The following FAM20C variants were observed in gnomAD, a reference collection of about 807,000 sequenced individuals.
FAM20C encodes FAM20C golgi associated secretory pathway kinase.
In FAM20C, 40 loss-of-function variants were observed where a neutral mutation model predicts 51.5. That is an observed-to-expected ratio of 0.78 (90% confidence interval 0.60 to 1.01). FAM20C has a LOEUF of 1.01. Among genes scored for constraint, FAM20C ranks in the 50% least tolerant of loss-of-function variants. The pLI is 0.00. For synonymous variants in FAM20C, 406 were observed against 380.6 expected (o/e 1.07, Z -0.78); for missense variants, 861 against 844.7 (o/e 1.02, Z -0.24).
chr7:217,468 A>G (rs1034832880), intron 3 of FAM20C, among the ~76,000 whole-genome samples: 1 of 5,644 alleles, frequency 1.8e-4, no homozygotes, highest in Non-Finnish European at 5.1e-4. Flanking sequence ...ATGCACCTGG[A>G]CCTGGGGGAA....
At chr7:258,416 G>T (rs1382882663) in intron 8 of FAM20C, among the ~76,000 whole-genome samples, 1 of 118,640 alleles carries the variant, frequency 8.4e-6, no homozygotes, top group East Asian at 2.6e-4. Context: ...AGATGGGTGG[G>T]GTGGACCCAC....
At chr7:216,397 GAT>G in intron 3 of FAM20C, among the ~76,000 whole-genome samples, 1 of 79,856 alleles carries the variant, frequency 1.3e-5, no homozygotes, top group Non-Finnish European at 2.5e-5. Context: ...GTATGGAGAG[GAT>G]GGGGCTGGGT....
At chr7:258,731 C>T (rs952948110) in intron 9 of FAM20C, 26 bp downstream of exon 9, 3 of 1,529,152 alleles carry the variant, frequency 2.0e-6, no homozygotes, top group African/African-American at 1.4e-5. Flanking sequence ...GAGCCGGCTC[C>T]AGCTCCACCC....
intron 3 of FAM20C, among the ~76,000 whole-genome samples, chr7:230,020 C>T (rs1198995509): frequency 6.6e-6 from 1 of 152,122 alleles, no homozygotes; most frequent in Non-Finnish European, 1.5e-5. Flanking sequence ...GCTTCCGCTT[C>T]CGCGACCCTC....
In FAM20C at chr7:207,313, C is replaced by G. The variant is rs35853297; in HGVS notation, c.785-1585C>G. Among the ~76,000 whole-genome samples, 46 of 61,326 alleles carry G rather than the reference C, an allele frequency of 7.5e-4. 2 individuals carry two copies. The highest frequency in any genetic ancestry group is 2.8e-3 in the East Asian group (4 of 1,454). The allele number at this position is 61,326 out of a possible 152,430, so 40.2% of individuals were successfully genotyped here. ...GGCCCCGCACACGTGTCCACTGTGACGCGTCGGTCACTGTCCCCTCGGCCC... is the reference window on the plus strand; with the variant it reads ...GGCCCCGCACACGTGTCCACTGTGAGGCGTCGGTCACTGTCCCCTCGGCCC... On this transcript the variant is annotated intron_variant, in intron 2 of 9. Transcript: ENST00000313766.
intron 2 of FAM20C, among the ~76,000 whole-genome samples, chr7:205,630 G>A (rs891455580): frequency 6.6e-5 from 10 of 152,156 alleles, no homozygotes; most frequent in African/African-American, 2.2e-4. Flanking sequence ...CTGAGGTCGC[G>A]TCGGAGCCCG....
At chr7:245,326 A>G (rs1248648327) in intron 3 of FAM20C, among the ~76,000 whole-genome samples, 1 of 152,196 alleles carries the variant, frequency 6.6e-6, no homozygotes, top group Non-Finnish European at 1.5e-5. Flanking sequence ...TGGAAAGGTC[A>G]CCAGAGTTTG....
chr7:193,626 C>A lies in FAM20C; in HGVS notation c.427C>A (p.Pro143Thr). The A allele has an allele frequency of 1.3e-6, 2 of 1,539,328 alleles. No homozygotes were observed. Among genetic ancestry groups the A allele is most frequent in the South Asian group, 2.4e-5 (2 of 83,398 alleles). ...CGCGCACCGGCCGCTGCTGCGAGAC[C>A]CCGGCCCGCGTCGGTCCGAGTCGCC... ...DPAHRPLLRD[P>T]GPRRSESPPG... Residue 143 changes from proline to threonine, a missense_variant, in exon 1 of 10, where the codon CCC becomes ACC. Physicochemically the swap from Pro to Thr is conservative, Grantham distance 38. This residue lies in a region of FAM20C where 561 missense variants were observed against 499.8 expected (regional missense o/e 1.12). Transcript: ENST00000313766.
intron 5 of FAM20C, among the ~76,000 whole-genome samples, chr7:253,643 C>A: frequency 6.6e-6 from 1 of 152,214 alleles, no homozygotes. Flanking sequence ...GCCGGCGTTG[C>A]TGGGACCCCC....
chr7:253,467 C>A (rs773427393), intron 5 of FAM20C, among the ~76,000 whole-genome samples: 1 of 152,180 alleles, frequency 6.6e-6, no homozygotes, highest in Admixed American at 6.5e-5. Flanking sequence ...TGGGTTTGTC[C>A]GCTACCCTGG....
rs1788284724 is a variant in FAM20C, at chr7:248,821, A to G, written c.1072+391A>G. Among the ~76,000 whole-genome samples, 3 of 149,976 alleles carry G rather than the reference A, an allele frequency of 2.0e-5. No homozygotes were observed. In the South Asian group the frequency reaches 6.3e-4, roughly 32 times the overall value. On this transcript the variant is annotated intron_variant, in intron 5 of 9. Coordinates refer to ENST00000313766, the MANE Select transcript of FAM20C (RefSeq NM_020223.4). Reference sequence around the variant, plus strand: ...TAGCCTGGCACAGGGGCCCGCATTCATCTCTCCACGTAGCCTGGCACGGGG... The same window carrying G: ...TAGCCTGGCACAGGGGCCCGCATTCGTCTCTCCACGTAGCCTGGCACGGGG...
intron 3 of FAM20C, among the ~76,000 whole-genome samples, chr7:217,521 G>A (rs148993105): frequency 2.6e-3 from 115 of 43,880 alleles, no homozygotes; most frequent in Admixed American, 4.7e-3. Context: ...TGGTGGCCTC[G>A]GGCTTGGCTT....
chr7:230,383 G>GGGCA (rs1554253447), intron 3 of FAM20C, among the ~76,000 whole-genome samples: 2 of 21,264 alleles, frequency 9.4e-5, no homozygotes, highest in Non-Finnish European at 1.3e-4. Context: ...GGGGGGGGGG[G>GGGCA]GGAACAGATC....
intron 3 of FAM20C, 134 bp downstream of exon 3, chr7:209,110 C>A: frequency 5.9e-6 from 5 of 853,942 alleles, no homozygotes; most frequent in Non-Finnish European, 9.3e-6. Context: ...ACTCTCAACT[C>A]TCCCCGTCAT....
At chr7:219,549 G>A (rs1208918139) in intron 3 of FAM20C, among the ~76,000 whole-genome samples, 2 of 152,120 alleles carry the variant, frequency 1.3e-5, no homozygotes, top group African/African-American at 2.4e-5. Context: ...AGCAGGAGGT[G>A]CCTCGGCTGT....
At chr7:242,922 C>T (rs145116869) in intron 3 of FAM20C, among the ~76,000 whole-genome samples, 8,221 of 152,218 alleles carry the variant, frequency 0.054, 281 homozygotes, top group Non-Finnish European at 0.082. Context: ...GAACAGCTGC[C>T]CCCCAAGACA....
intron 3 of FAM20C, among the ~76,000 whole-genome samples, chr7:211,001 C>A (rs907402338): frequency 1.3e-5 from 2 of 152,058 alleles, no homozygotes; most frequent in Non-Finnish European, 1.5e-5. Context: ...ACGCTTACCG[C>A]TGCGTAAAGA....
At chr7:235,421 T>C (rs1187986206) in intron 3 of FAM20C, among the ~76,000 whole-genome samples, 2 of 152,198 alleles carry the variant, frequency 1.3e-5, no homozygotes, top group Non-Finnish European at 2.9e-5. Flanking sequence ...CGTGAGGGGC[T>C]GCAGGTGTGA....
chr7:207,941 C>T (rs1786513130), intron 2 of FAM20C, among the ~76,000 whole-genome samples: 1 of 152,236 alleles, frequency 6.6e-6, no homozygotes, highest in African/African-American at 2.4e-5. Flanking sequence ...TCTTGAGCCT[C>T]CTGGTGGCCA....
Sources: gnomAD v4.1 joint callset for allele counts (sites outside exome capture counted in the v4.1 genomes callset) on GRCh38, gnomAD v4.1.1 for gene constraint, gnomAD v4.1.1 regional missense constraint, MANE v1.5 for transcripts, NCBI Gene and HGNC (gene_info 2026-07-23, HGNC 2026-07-21) for gene names.